SCNN1D: variants seen among roughly 807,000 people sequenced by gnomAD.
SCNN1D encodes epithelial sodium channel subunit delta.
In SCNN1D, 104 loss-of-function variants were observed where a neutral mutation model predicts 87.8. The ratio of observed to expected loss-of-function variants is 1.18; its 90% CI spans 1.01 to 1.39. SCNN1D has a LOEUF of 1.39. Among genes scored for constraint, SCNN1D ranks in the 40% most tolerant of loss-of-function variants. SCNN1D has a pLI of 0.00. For synonymous variants in SCNN1D, 628 were observed against 481.2 expected (o/e 1.31, Z -3.99); for missense variants, 1,324 against 1,093.9 (o/e 1.21, Z -2.97).
At position 1,290,575 on chromosome 1, in the gene SCNN1D, G is replaced by T. The variant is rs758944489; in HGVS notation, c.1859+20G>T. 19 of 1,612,594 alleles carry T rather than the reference G, an allele frequency of 1.2e-5. No homozygotes were observed. In the African/African-American group the frequency reaches 2.1e-4, roughly 18 times the overall value. ...CTGCAGGTGAGACGGGGGTGTTGGG[G>T]TCGCGGCCAGGGATCATTGCCCCAG... On this transcript the variant is annotated intron_variant, in intron 14 of 17. Coordinates refer to ENST00000379116, the MANE Select transcript of SCNN1D (RefSeq NM_001130413.4).
Position 1,280,599 on chromosome 1 carries a change from C to T in SCNN1D, c.-63C>T. 1 of 692,986 alleles carries T rather than the reference C, an allele frequency of 1.4e-6. No individual in the cohort carries two copies. The highest frequency in any genetic ancestry group is 2.6e-6 in the Non-Finnish European group (1 of 378,404). The allele number at this position is 692,986 out of a possible 1,614,324, so 42.9% of individuals were successfully genotyped here. ...CAGAGAGAATCAACTATAAATGCTT[C>T]TCATCAGACTCAAGGCCTGAGGTGA... is the stretch of plus-strand genomic sequence containing the variant. On this transcript the variant is annotated 5_prime_UTR_variant, in exon 1 of 18. Transcript: ENST00000379116.
rs375324815 is a variant in SCNN1D at position 1,286,971 on chromosome 1, G to C, written c.1115G>C (p.Arg372Thr). ...HSGSRVRVGF[R>T]LCNSTGGDCF... The stretch of plus-strand genomic sequence containing the variant: ...GGCAGCCGGGTCAGAGTGGGGTTCA[G>C]ACTGGTGAGTGTCCCAGCCGGGGCC... Residue 372 changes from arginine to threonine, a missense_variant, in exon 8 of 18, where the codon AGA becomes ACA. Physicochemically the swap from Arg to Thr is moderately conservative, Grantham distance 71. Coordinates refer to ENST00000379116, the MANE Select transcript of SCNN1D (RefSeq NM_001130413.4). The C allele has an allele frequency of 5.0e-6, 8 of 1,611,322 alleles. No individual in the cohort carries two copies. The East Asian group carries it at 1.8e-4, about 36-fold the overall frequency.
intron 6 of SCNN1D, 79 bp downstream of exon 6, chr1:1,285,743 A>C: frequency 7.8e-7 from 1 of 1,278,824 alleles, no homozygotes; most frequent in East Asian, 2.6e-5. Flanking sequence ...GGCTACACTG[A>C]GACGTGTCAG....
rs1491328491 is a variant in SCNN1D, at chr1:1,290,261, C to CCCCGCTCATCCCCCA, written c.1663-10_1663-9insCCCGCTCATCCCCCA. 5 of 1,351,276 alleles carry CCCCGCTCATCCCCCA rather than the reference C, an allele frequency of 3.7e-6. 1 individual carries two copies. Among genetic ancestry groups the CCCCGCTCATCCCCCA allele is most frequent in the East Asian group, 3.9e-5 (1 of 25,646 alleles). 83.7% of individuals were successfully genotyped at this position (1,351,276 alleles called of 1,614,324 possible). A position where few individuals can be genotyped will look rare whatever the true frequency, so the allele number is the denominator to read the frequency against. ...CATCCCATGTCCCTGCTCATCCCCCCTGTCCCCAGGCCTGCCTGGTGTCCT... is the reference window on the plus strand; with the variant it reads ...CATCCCATGTCCCTGCTCATCCCCCCCCCGCTCATCCCCCATGTCCCCAGGCCTGCCTGGTGTCCT... On this transcript the variant is annotated splice_polypyrimidine_tract_variant and intron_variant, in intron 12 of 17. Transcript: ENST00000379116.
In SCNN1D at chr1:1,291,841, T is replaced by G. The variant is rs1203816646; in HGVS notation, c.*231T>G. The G allele has an allele frequency of 4.6e-6, 2 of 438,840 alleles. No homozygotes were observed. Among genetic ancestry groups the G allele is most frequent in the African/African-American group, 2.0e-5 (1 of 49,262 alleles). The allele number at this position is 438,840 out of a possible 1,614,324, so 27.2% of individuals were successfully genotyped here. A position where few individuals can be genotyped will look rare whatever the true frequency, so the allele number is the denominator to read the frequency against. On this transcript the variant is annotated 3_prime_UTR_variant, in exon 18 of 18. Transcript: ENST00000379116. ...AGGGGGGTTCCCGCGTGCACACGAG[T>G]GCGGCTGGACGTGCCGACACGCGGT...
Position 1,291,751 on chromosome 1 carries a change from A to G in SCNN1D, c.*141A>G. 1.7e-6 allele frequency: 1 copy of G among 591,910 alleles called. No individual in the cohort carries two copies. Among genetic ancestry groups the G allele is most frequent in the Non-Finnish European group, 2.8e-6 (1 of 361,004 alleles). 36.7% of individuals were successfully genotyped at this position (591,910 alleles called of 1,614,324 possible). ...GGCCGTGGGGAGGCAGGCACCGGGCATGTCGGCGCCTCTGGTCAAACCACC... is the reference window on the plus strand; with the variant it reads ...GGCCGTGGGGAGGCAGGCACCGGGCGTGTCGGCGCCTCTGGTCAAACCACC... On this transcript the variant is annotated 3_prime_UTR_variant, in exon 18 of 18. Coordinates refer to ENST00000379116, the MANE Select transcript of SCNN1D (RefSeq NM_001130413.4).
chr1:1,287,543 G>A lies in SCNN1D; in HGVS notation c.1346G>A (p.Ser449Asn), dbSNP rs1216037880. The A allele has an allele frequency of 1.3e-6, 2 of 1,535,392 alleles. No homozygotes were observed. The highest frequency in any genetic ancestry group is 2.0e-5 in the Admixed American group (1 of 49,826). ...ACCTTCCACCACCCCACCTACGGCA[G>A]CTGCTACACGGTCGATGGCGTCTGG... ...FRTFHHPTYGSCYTVDGVWTA... is the reference protein window; with the variant it reads ...FRTFHHPTYGNCYTVDGVWTA... Residue 449 changes from serine (S) to asparagine (N), a missense_variant, in exon 10 of 18, where the codon AGC becomes AAC. Ser to Asn is a conservative substitution (Grantham distance 46). Coordinates refer to ENST00000379116, the MANE Select transcript of SCNN1D (RefSeq NM_001130413.4).
rs777449594 is a variant in SCNN1D, at chr1:1,291,056, C to T, written c.1977-9C>T. On this transcript the variant is annotated splice_polypyrimidine_tract_variant and intron_variant, in intron 16 of 17. Transcript: ENST00000379116. ...GGGCCAGCGCCCTCATGCCTCTATC[C>T]TGCCCCAGGAGCAGCCTGGCCAAAA... 20 of 1,611,320 alleles carry T rather than the reference C, an allele frequency of 1.2e-5. No homozygotes were observed. The highest frequency in any genetic ancestry group is 2.2e-5 in the East Asian group (1 of 44,848).
At chr1:1,289,939 T>C (rs1477476557) in intron 12 of SCNN1D, among the ~76,000 whole-genome samples, 2 of 39,822 alleles carry the variant, frequency 5.0e-5, no homozygotes, top group Non-Finnish European at 4.1e-5. Flanking sequence ...CCCGTGTCTC[T>C]GCTCCGTCCC....
rs768892463 is a variant in SCNN1D at position 1,286,789 on chromosome 1, T to C, written c.933T>C (p.His311=). The stretch of plus-strand genomic sequence containing the variant: ...CCAGGCCGAGTCCGGTCCTCCGCCA[T>C]CTGGAGCTGCTGGACGAGTTTGCCA... ...NPRRPSPVLR[H]LELLDEFARE... The change falls in exon 8 of 18, where the codon CAT becomes CAC. Residue 311 remains histidine (H), a synonymous_variant. Coordinates refer to ENST00000379116, the MANE Select transcript of SCNN1D (RefSeq NM_001130413.4). 31 of 1,612,468 alleles carry C rather than the reference T, an allele frequency of 1.9e-5. No homozygotes were observed. The African/African-American group carries it at 2.7e-4, about 14-fold the overall frequency.
intron 1 of SCNN1D, 157 bp downstream of exon 1, chr1:1,280,823 ACTC>A (rs1307726422): frequency 1.6e-6 from 1 of 614,022 alleles, no homozygotes; most frequent in Non-Finnish European, 3.0e-6. Flanking sequence ...CACGCACCTT[ACTC>A]CTCCCAGCAG....
Position 1,285,823 on chromosome 1 carries a change from G to A in SCNN1D, c.559-103G>A. On this transcript the variant is annotated intron_variant, in intron 6 of 17. Transcript: ENST00000379116. ...GGGAGGGGCTTGTCCGAGCGACCGA[G>A]CAGGTAGGGCGGGGCACTGGTGGCT... is the stretch of plus-strand genomic sequence containing the variant. 6 of 1,294,518 alleles carry A rather than the reference G, an allele frequency of 4.6e-6. No individual in the cohort carries two copies. The South Asian group carries it at 8.7e-5, about 19-fold the overall frequency. 80.2% of individuals were successfully genotyped at this position (1,294,518 alleles called of 1,614,324 possible). A position where few individuals can be genotyped will look rare whatever the true frequency, so the allele number is the denominator to read the frequency against.
rs113608779 is a variant in SCNN1D, at chr1:1,290,931, C to T, written c.1954C>T (p.Pro652Ser). 6.0e-4 allele frequency: 972 copies of T among 1,609,998 alleles called. 3 individuals are homozygous for T. Among genetic ancestry groups the T allele is most frequent in the Middle Eastern group, 4.1e-3 (24 of 5,924 alleles). The change falls in exon 16 of 18, where the codon CCG becomes TCG. Residue 652 changes from proline to serine, a missense_variant. By Grantham distance (74) the Pro-to-Ser change is moderately conservative. Transcript: ENST00000379116. ...TLATLGEQGLPHQSHRQRSSL... is the reference protein window; with the variant it reads ...TLATLGEQGLSHQSHRQRSSL... ...GGCCACGCTAGGTGAACAGGGGCTG[C>T]CGCATCAGAGCCACAGACAGAGGTG...
At position 1,286,840 on chromosome 1, in the gene SCNN1D, C is replaced by T. The variant is rs140233249; in HGVS notation, c.984C>T (p.Asn328=). 314 of 1,612,578 alleles carry T rather than the reference C, an allele frequency of 1.9e-4. 1 individual carries two copies. Among genetic ancestry groups the T allele is most frequent in the Non-Finnish European group, 2.4e-4 (283 of 1,179,932 alleles). Residue 328 remains asparagine (N), a synonymous_variant, in exon 8 of 18, where the codon AAC becomes AAT. Transcript: ENST00000379116. The stretch of plus-strand genomic sequence containing the variant: ...GGGAGAACATTGACTCCCTGTACAA[C>T]GTCAACCTCAGCAAAGGCAGAGCCG... The part of the protein sequence containing the change: ...FARENIDSLY[N]VNLSKGRAAL...
Position 1,291,647 on chromosome 1 carries a change from G to A in SCNN1D, c.*37G>A, listed in dbSNP as rs764454547. ...CAGGGCTGTGCGATCTCTTGGCCTG[G>A]TCCTTGCAGCTGTGGCAGCAGCAGG... On this transcript the variant is annotated 3_prime_UTR_variant, in exon 18 of 18. Transcript: ENST00000379116. The A allele has an allele frequency of 6.9e-7, 1 of 1,444,646 alleles. No homozygotes were observed. The highest frequency in any genetic ancestry group is 9.2e-7 in the Non-Finnish European group (1 of 1,081,458). 89.5% of individuals were successfully genotyped at this position (1,444,646 alleles called of 1,614,324 possible).
At position 1,284,100 on chromosome 1, in the gene SCNN1D, G is replaced by GC. The variant is rs756484886; in HGVS notation, c.464+10_464+11insC. 4 of 15,866 alleles carry GC rather than the reference G, an allele frequency of 2.5e-4. No individual in the cohort carries two copies. In the South Asian group the frequency reaches 0.013, roughly 52 times the overall value. The allele number at this position is 15,866 out of a possible 1,614,324, so 1.0% of individuals were successfully genotyped here. On this transcript the variant is annotated intron_variant, in intron 5 of 17. Coordinates refer to ENST00000379116, the MANE Select transcript of SCNN1D (RefSeq NM_001130413.4). ...GGGCTCTCACCTCCAGGTACCGTGG[G>GC]GGGGGGTGAGGGGGGTGGGGGGGTT...
intron 7 of SCNN1D, 68 bp downstream of exon 7, chr1:1,286,346 C>A (rs566269402): frequency 7.7e-7 from 1 of 1,293,372 alleles, no homozygotes; most frequent in Non-Finnish European, 1.1e-6. Context: ...CCGTCTCTAA[C>A]CGAAGCCCCA....
In SCNN1D at chr1:1,290,301, A is replaced by T. The variant is rs768639850; in HGVS notation, c.1693A>T (p.Met565Leu). The T allele has an allele frequency of 8.2e-6, 13 of 1,581,470 alleles. No individual in the cohort carries two copies. The highest frequency in any genetic ancestry group is 1.0e-5 in the Non-Finnish European group (12 of 1,162,046). ...CCTGGTGTCCTGCTTCCAGCAGCTG[A>T]TGGTGGAGACCTGCTCCTGTGGCTA... Reference protein sequence around the residue: ...ACLVSCFQQLMVETCSCGYYL... With the variant: ...ACLVSCFQQLLVETCSCGYYL... The change falls in exon 13 of 18, where the codon ATG (methionine) becomes TTG (leucine). Residue 565 changes from methionine (M) to leucine (L), a missense_variant. By Grantham distance (15) the Met-to-Leu change is conservative. Transcript: ENST00000379116.
Position 1,291,343 on chromosome 1 carries a change from G to C in SCNN1D, c.2142G>C (p.Leu714=). 4.4e-6 allele frequency: 7 copies of C among 1,605,812 alleles called. No individual in the cohort carries two copies. The highest frequency in any genetic ancestry group is 5.1e-6 in the Non-Finnish European group (6 of 1,177,402). The part of the protein sequence containing the change: ...VLSLLELLEL[L]LDASALTLVL... ...CCCTCCTGGAGCTCCTGGAGCTGCT[G>C]CTCGATGCTTCTGCCCTCACCCTGG... Residue 714 remains leucine (L), a synonymous_variant, in exon 18 of 18, where the codon CTG becomes CTC. Coordinates refer to ENST00000379116, the MANE Select transcript of SCNN1D (RefSeq NM_001130413.4).
Sources: allele counts gnomAD v4.1 joint callset (sites outside exome capture counted in the v4.1 genomes callset), GRCh38; gene constraint gnomAD v4.1.1; transcripts MANE v1.5; gene names NCBI Gene and HGNC (gene_info 2026-07-23, HGNC 2026-07-21).